Variants in KIAA1217 observed in about 807,000 individuals in gnomAD.
KIAA1217 encodes sickle tail protein homolog.
A neutral mutation model predicts 163.9 loss-of-function variants in KIAA1217; 88 were observed. That is an observed-to-expected ratio of 0.54 (90% confidence interval 0.45 to 0.64). The LOEUF (loss-of-function observed/expected upper bound fraction) is 0.64, where lower values mean the gene tolerates loss of function less well. Among genes scored for constraint, KIAA1217 ranks in the 30% least tolerant of loss-of-function variants. The probability of loss-of-function intolerance (pLI) is 0.00; values close to 1 mark genes in which losing one functional copy is unlikely to be tolerated. For synonymous variants in KIAA1217, 903 were observed against 923.1 expected (o/e 0.98, Z 0.39); for missense variants, 2,372 against 2,475.0 (o/e 0.96, Z 0.88).
chr10:23,869,190 C>T (rs1482560273), intron 1 of KIAA1217, among the ~76,000 whole-genome samples: 3 of 113,582 alleles, frequency 2.6e-5, no homozygotes, highest in Non-Finnish European at 4.9e-5. Context: ...AACAGCGTTG[C>T]TATCTACCTG....
chr10:24,471,933 C>T (rs979547752), intron 5 of KIAA1217, among the ~76,000 whole-genome samples: 2 of 151,898 alleles, frequency 1.3e-5, no homozygotes, highest in Admixed American at 6.6e-5. Flanking sequence ...TTTTACCTCC[C>T]CGCAAACTTA....
At chr10:24,118,289 G>A (rs770790302) in intron 2 of KIAA1217, among the ~76,000 whole-genome samples, 32 of 152,212 alleles carry the variant, frequency 2.1e-4, no homozygotes, top group Non-Finnish European at 3.1e-4. Flanking sequence ...CTATAATGTT[G>A]TTGAGCCGCC....
intron 1 of KIAA1217, among the ~76,000 whole-genome samples, chr10:23,736,665 G>A (rs1032378059): frequency 3.3e-5 from 5 of 152,062 alleles, no homozygotes; most frequent in Admixed American, 1.3e-4. Flanking sequence ...TGGGACCACA[G>A]GGACATACCA....
intron 3 of KIAA1217, among the ~76,000 whole-genome samples, chr10:24,388,713 G>GA (rs200057112): frequency 0.19 from 29,518 of 151,810 alleles, 3,401 homozygotes; most frequent in Non-Finnish European, 0.26. Flanking sequence ...AAATTTACAA[G>GA]AAAAAATCAA....
At chr10:24,191,102 C>T (rs2066695911) in intron 2 of KIAA1217, among the ~76,000 whole-genome samples, 1 of 151,974 alleles carries the variant, frequency 6.6e-6, no homozygotes, top group Admixed American at 6.6e-5. Flanking sequence ...ATGACTTGAG[C>T]CCAGAAGGTT....
intron 2 of KIAA1217, among the ~76,000 whole-genome samples, chr10:24,173,298 C>A (rs1174386968): frequency 6.6e-6 from 1 of 152,128 alleles, no homozygotes; most frequent in African/African-American, 2.4e-5. Context: ...GTAAAACAAG[C>A]TCAGGGCTCC....
At chr10:23,770,222 T>C (rs1317112867) in intron 1 of KIAA1217, among the ~76,000 whole-genome samples, 1 of 152,206 alleles carries the variant, frequency 6.6e-6, no homozygotes, top group East Asian at 1.9e-4. Context: ...GCCATCTTTT[T>C]CACTGCTCCA....
intron 2 of KIAA1217, among the ~76,000 whole-genome samples, chr10:24,193,277 G>T (rs1271851486): frequency 6.6e-6 from 1 of 152,154 alleles, no homozygotes; most frequent in Non-Finnish European, 1.5e-5. Flanking sequence ...GGTTCCCTCA[G>T]TAAAGATACA....
intron 1 of KIAA1217, among the ~76,000 whole-genome samples, chr10:23,727,210 C>G (rs1295095202): frequency 6.6e-6 from 1 of 151,716 alleles, no homozygotes; most frequent in Non-Finnish European, 1.5e-5. Context: ...TCAGGAAGGT[C>G]TCGATCTCCT....
At chr10:23,741,683 C>G (rs1839123230) in intron 1 of KIAA1217, among the ~76,000 whole-genome samples, 1 of 152,164 alleles carries the variant, frequency 6.6e-6, no homozygotes, top group African/African-American at 2.4e-5. Flanking sequence ...GGATGGGGGT[C>G]AGTGGTATAC....
chr10:23,705,120 T>G (rs139930838), intron 1 of KIAA1217, among the ~76,000 whole-genome samples: 3 of 152,192 alleles, frequency 2.0e-5, no homozygotes, highest in African/African-American at 4.8e-5. Flanking sequence ...TTCAAATTCA[T>G]TGTCAACTTT....
At chr10:24,108,231 C>T (rs1001844263) in intron 2 of KIAA1217, among the ~76,000 whole-genome samples, 2 of 152,220 alleles carry the variant, frequency 1.3e-5, no homozygotes, top group Non-Finnish European at 2.9e-5. Flanking sequence ...AAATGCTAAC[C>T]TCCACTGAGG....
chr10:24,495,364 G>C (rs773893792), intron 8 of KIAA1217, among the ~76,000 whole-genome samples, 168 bp downstream of exon 8: 1 of 152,102 alleles, frequency 6.6e-6, no homozygotes, highest in Non-Finnish European at 1.5e-5. Flanking sequence ...TCATTAATTC[G>C]GGGGCAAAGC....
intron 1 of KIAA1217, among the ~76,000 whole-genome samples, chr10:23,758,940 G>A (rs1404972259): frequency 1.3e-5 from 2 of 151,590 alleles, no homozygotes; most frequent in African/African-American, 4.8e-5. Context: ...ACCTGGGGTG[G>A]GTTTTTCTAT....
chr10:24,520,641 A>ATATAT (rs1554926651), intron 11 of KIAA1217, among the ~76,000 whole-genome samples: 3 of 87,050 alleles, frequency 3.4e-5, no homozygotes, highest in African/African-American at 1.2e-4. Context: ...AAAAAAAAAA[A>ATATAT]AAAAAAAAAA....
chr10:24,191,057 G>A (rs1158411652), intron 2 of KIAA1217, among the ~76,000 whole-genome samples: 1 of 152,104 alleles, frequency 6.6e-6, no homozygotes, highest in Non-Finnish European at 1.5e-5. Context: ...AGCTGGGCAA[G>A]GTGGTGCACA....
intron 1 of KIAA1217, among the ~76,000 whole-genome samples, chr10:23,961,918 T>A (rs1181562410): frequency 6.6e-6 from 1 of 152,208 alleles, no homozygotes; most frequent in Non-Finnish European, 1.5e-5. Context: ...CCTGTTTCTG[T>A]GTCTAAATTT....
chr10:24,202,641 G>A (rs953912787), intron 2 of KIAA1217, among the ~76,000 whole-genome samples: 12 of 152,108 alleles, frequency 7.9e-5, no homozygotes, highest in Admixed American at 4.6e-4. Flanking sequence ...GCAGCTCCAC[G>A]TCTCCTCTGC....
chr10:24,519,443 G>A (rs1386553138), intron 10 of KIAA1217, among the ~76,000 whole-genome samples: 1 of 152,066 alleles, frequency 6.6e-6, no homozygotes, highest in Non-Finnish European at 1.5e-5. Context: ...GTTCATCCTT[G>A]TTGATGAGAC....
Sources: allele counts gnomAD v4.1 joint callset (sites outside exome capture counted in the v4.1 genomes callset), GRCh38; gene constraint gnomAD v4.1.1; transcripts MANE v1.5; gene names NCBI Gene and HGNC (gene_info 2026-07-23, HGNC 2026-07-21).